CCNH: variants seen among roughly 807,000 people sequenced by gnomAD.
The protein encoded by CCNH is cyclin-H.
A neutral mutation model predicts 41.9 loss-of-function variants in CCNH; 31 were observed. The observed-to-expected ratio is 0.74, with a 90% CI of 0.56 to 1.00. The LOEUF is 1.00. Ranked by LOEUF, CCNH falls within the 50% of genes least tolerant of loss-of-function variation. CCNH has a pLI of 0.00. For synonymous variants in CCNH, 138 were observed against 136.1 expected (o/e 1.01, Z -0.10); for missense variants, 362 against 388.4 (o/e 0.93, Z 0.57).
At chr5:87,390,197 A>G (rs1217226770), downstream of CCNH, among the ~76,000 whole-genome samples, 2 of 152,240 alleles carry the variant, frequency 1.3e-5, no homozygotes, top group Non-Finnish European at 2.9e-5. Flanking sequence ...ATAGAACAAA[A>G]TGAGTTACAC....
chr5:87,379,876 A>G (rs762147190), upstream of CCNH: 5 of 1,604,728 alleles, frequency 3.1e-6, no homozygotes, highest in Admixed American at 1.7e-5. Context: ...TTCATTTGAC[A>G]AGAAATTGTG....
intron 9 of CCNH, chr5:87,383,610 G>T: frequency 1.2e-6 from 1 of 847,886 alleles, no homozygotes; most frequent in Non-Finnish European, 1.8e-6. Flanking sequence ...AATTTTATGG[G>T]TTCTATGAGT....
intron 9 of CCNH, among the ~76,000 whole-genome samples, chr5:87,345,844 G>A (rs1278994889): frequency 2.6e-5 from 4 of 152,094 alleles, no homozygotes; most frequent in Non-Finnish European, 5.9e-5. Context: ...CCACAAAGTA[G>A]TAGATAGGTG....
At chr5:87,394,859 A>C (rs1299161180) in intron 8 of CCNH, 185 bp downstream of exon 8, 2 of 1,388,972 alleles carry the variant, frequency 1.4e-6, no homozygotes, top group Non-Finnish European at 9.3e-7. Flanking sequence ...CATTAAATAA[A>C]GACAGAAGAG....
At chr5:87,388,370 T>G (rs768498160), downstream of CCNH, among the ~76,000 whole-genome samples, 3 of 152,216 alleles carry the variant, frequency 2.0e-5, no homozygotes, top group Non-Finnish European at 2.9e-5. Flanking sequence ...AAAATAACAC[T>G]GGCATTTAGT....
intron 9 of CCNH, among the ~76,000 whole-genome samples, chr5:87,327,609 T>C (rs1047901982): frequency 6.6e-6 from 1 of 152,180 alleles, no homozygotes; most frequent in African/African-American, 2.4e-5. Flanking sequence ...TCAGGGAGTG[T>C]CAGCATAATC....
intron 9 of CCNH, chr5:87,332,437 T>C: frequency 1.4e-6 from 2 of 1,439,998 alleles, no homozygotes; most frequent in Non-Finnish European, 1.9e-6. Flanking sequence ...TTATAATTTC[T>C]TTATAAAACT....
rs1425470015 is a variant in CCNH, at chr5:87,376,408, A to T, written n.773T>A. Reference sequence around the variant, plus strand: ...TCTTCCCAAGTATTTATGCGCTGCCAGTTGAGCCGATTACAGAAAGGGCAT... The same window carrying T: ...TCTTCCCAAGTATTTATGCGCTGCCTGTTGAGCCGATTACAGAAAGGGCAT... On this transcript the variant is annotated non_coding_transcript_exon_variant, in exon 1 of 1. Coordinates refer to the CCNH transcript ENST00000607486. The T allele has an allele frequency of 1.2e-6, 2 of 1,614,004 alleles. No homozygotes were observed. The highest frequency in any genetic ancestry group is 2.7e-5 in the African/African-American group (2 of 75,048).
At chr5:87,337,582 C>T (rs2112385171) in intron 9 of CCNH, among the ~76,000 whole-genome samples, 1 of 151,824 alleles carries the variant, frequency 6.6e-6, no homozygotes, top group South Asian at 2.1e-4. Context: ...TTATATCTAC[C>T]CTACATCTGA....
intron 9 of CCNH, chr5:87,362,797 G>A: frequency 9.2e-7 from 1 of 1,082,262 alleles, no homozygotes; most frequent in Non-Finnish European, 1.4e-6. Context: ...CTTGTTTAGA[G>A]CCCATATATA....
At chr5:87,385,439 C>T in intron 9 of CCNH, 2 of 1,343,524 alleles carry the variant, frequency 1.5e-6, no homozygotes, top group South Asian at 2.4e-5. Context: ...GCAAGTTTGA[C>T]ATGATAAAAC....
chr5:87,324,237 G>A (rs1293840831), intron 9 of CCNH, among the ~76,000 whole-genome samples: 3 of 152,176 alleles, frequency 2.0e-5, no homozygotes, highest in African/African-American at 7.2e-5. Context: ...AAAATGTGCT[G>A]TAGGTACTAA....
chr5:87,327,667 A>G (rs1436559248), intron 9 of CCNH, among the ~76,000 whole-genome samples: 1 of 152,086 alleles, frequency 6.6e-6, no homozygotes, highest in Non-Finnish European at 1.5e-5. Flanking sequence ...CATTCTTTTC[A>G]CATGTCAGAA....
intron 5 of CCNH, among the ~76,000 whole-genome samples, chr5:87,403,008 A>G (rs1656921836): frequency 6.6e-6 from 1 of 152,202 alleles, no homozygotes; most frequent in South Asian, 2.1e-4. Context: ...TAGCAGATGA[A>G]AAATAAAGCT....
chr5:87,340,687 A>T (rs2112396293), intron 9 of CCNH, among the ~76,000 whole-genome samples: 1 of 152,302 alleles, frequency 6.6e-6, no homozygotes, highest in East Asian at 1.9e-4. Flanking sequence ...TTACGGGCTC[A>T]GAATGTCTTA....
At chr5:87,329,417 G>C (rs1474354022) in intron 9 of CCNH, among the ~76,000 whole-genome samples, 1 of 152,072 alleles carries the variant, frequency 6.6e-6, no homozygotes, top group African/African-American at 2.4e-5. Flanking sequence ...ACTCCAGCCT[G>C]GGCGACAGAG....
intron 9 of CCNH, among the ~76,000 whole-genome samples, chr5:87,361,985 A>T (rs546784742): frequency 6.6e-6 from 1 of 152,268 alleles, no homozygotes; most frequent in South Asian, 2.1e-4. Flanking sequence ...GATTATCTGA[A>T]ATCATGGTTA....
At chr5:87,370,350 G>A (rs1243114390) in intron 9 of CCNH, among the ~76,000 whole-genome samples, 1 of 152,170 alleles carries the variant, frequency 6.6e-6, no homozygotes, top group African/African-American at 2.4e-5. Flanking sequence ...AAGCCAAGTC[G>A]AGATATAATG....
chr5:87,396,559 A>G (rs1762980340), intron 7 of CCNH, among the ~76,000 whole-genome samples: 1 of 152,198 alleles, frequency 6.6e-6, no homozygotes, highest in South Asian at 2.1e-4. Context: ...CGGGAGGCAG[A>G]GGTTGCAGTG....
Sources: gnomAD v4.1 joint callset for allele counts (sites outside exome capture counted in the v4.1 genomes callset) on GRCh38, gnomAD v4.1.1 for gene constraint, MANE v1.5 for transcripts, NCBI Gene and HGNC (gene_info 2026-07-23, HGNC 2026-07-21) for gene names.